The following NEK7 variants were observed in gnomAD, a reference collection of about 807,000 sequenced individuals.
NEK7 encodes serine/threonine-protein kinase Nek7.
A neutral mutation model predicts 44.6 loss-of-function variants in NEK7; 18 were observed. The observed-to-expected ratio is 0.40, with a 90% CI of 0.28 to 0.60. The LOEUF is 0.60. NEK7 is among the 20% of genes least tolerant of loss of function. The pLI is 0.38. For missense variants in NEK7, 256 were observed against 366.5 expected, an observed-to-expected ratio of 0.70 and a Z score of 2.46; for synonymous variants, 130 against 121.1, an observed-to-expected ratio of 1.07 and a Z score of -0.48.
At chr1:198,209,983 A>G (rs1020563035) in intron 1 of NEK7, among the ~76,000 whole-genome samples, 5 of 152,032 alleles carry the variant, frequency 3.3e-5, no homozygotes, top group African/African-American at 1.2e-4. Flanking sequence ...ACTTTAGTAG[A>G]GACGGGGTTT....
intron 2 of NEK7, among the ~76,000 whole-genome samples, chr1:198,252,528 C>CTATATATATATATATATATA (rs1162099133): frequency 9.2e-5 from 3 of 32,688 alleles, no homozygotes; most frequent in Admixed American, 3.5e-4. Flanking sequence ...ATCTCACATA[C>CTATATATATATATATATATA]TATATATATA....
chr1:198,161,544 T>C (rs1294620086), intron 1 of NEK7, among the ~76,000 whole-genome samples: 2 of 152,228 alleles, frequency 1.3e-5, no homozygotes, highest in Admixed American at 6.5e-5. Context: ...CGTTTTATAA[T>C]TATTTTTGTG....
intron 1 of NEK7, among the ~76,000 whole-genome samples, chr1:198,166,835 T>A (rs1664283696): frequency 1.3e-5 from 2 of 152,076 alleles, no homozygotes; most frequent in East Asian, 1.9e-4. Flanking sequence ...AGATATGGAG[T>A]GAGCACATGC....
chr1:198,188,968 T>C (rs1202000587), intron 1 of NEK7, among the ~76,000 whole-genome samples: 1 of 152,172 alleles, frequency 6.6e-6, no homozygotes, highest in African/African-American at 2.4e-5. Context: ...TCTTTTACTA[T>C]CCTAAATCAA....
intron 3 of NEK7, among the ~76,000 whole-genome samples, chr1:198,255,057 A>T (rs1236823841): frequency 8.5e-5 from 13 of 152,144 alleles, no homozygotes; most frequent in Admixed American, 7.2e-4. Flanking sequence ...ACCCTGTGGC[A>T]TGGGTTCCTG....
intron 1 of NEK7, among the ~76,000 whole-genome samples, chr1:198,228,400 T>C (rs962355326): frequency 5.9e-5 from 9 of 152,316 alleles, no homozygotes; most frequent in Admixed American, 5.2e-4. Context: ...TCCAATTATG[T>C]GAAGAAAGTC....
At chr1:198,251,711 C>A (rs1014155012) in intron 2 of NEK7, among the ~76,000 whole-genome samples, 2 of 151,608 alleles carry the variant, frequency 1.3e-5, no homozygotes, top group African/African-American at 4.9e-5. Flanking sequence ...TCTGTGGGAT[C>A]GGTGGTGATA....
chr1:198,229,314 A>T (rs1463840467), intron 1 of NEK7, among the ~76,000 whole-genome samples: 1 of 152,150 alleles, frequency 6.6e-6, no homozygotes, highest in Non-Finnish European at 1.5e-5. Flanking sequence ...TACTTGCCCC[A>T]TGCATCTCTC....
At chr1:198,303,987 C>T (rs537686381) in intron 9 of NEK7, among the ~76,000 whole-genome samples, 2 of 152,240 alleles carry the variant, frequency 1.3e-5, no homozygotes, top group Non-Finnish European at 2.9e-5. Context: ...TTAACATTCT[C>T]ATCACAGTAT....
intron 1 of NEK7, among the ~76,000 whole-genome samples, chr1:198,201,361 G>GT (rs768928403): frequency 4.6e-5 from 7 of 151,810 alleles, no homozygotes; most frequent in Non-Finnish European, 7.4e-5. Context: ...AGTATATAGT[G>GT]GTTTTTTTTA....
At chr1:198,230,651 G>A (rs1452910731) in intron 1 of NEK7, among the ~76,000 whole-genome samples, 2 of 151,972 alleles carry the variant, frequency 1.3e-5, no homozygotes, top group East Asian at 1.9e-4. Flanking sequence ...TCTATTCATT[G>A]TACTGGATGT....
chr1:198,242,628 G>GC (rs949006594), intron 2 of NEK7, among the ~76,000 whole-genome samples: 4 of 150,746 alleles, frequency 2.7e-5, no homozygotes, highest in Admixed American at 2.6e-4. Context: ...CACCCTGCTA[G>GC]TTTTTTTGTA....
intron 1 of NEK7, among the ~76,000 whole-genome samples, chr1:198,191,097 T>C (rs748499821): frequency 1.1e-4 from 16 of 152,076 alleles, no homozygotes; most frequent in Non-Finnish European, 2.4e-4. Context: ...CAAGGGGTCC[T>C]AGGCCTTTAA....
intron 8 of NEK7, among the ~76,000 whole-genome samples, chr1:198,294,041 G>A (rs895816093): frequency 1.3e-5 from 2 of 151,718 alleles, no homozygotes; most frequent in Admixed American, 6.6e-5. Flanking sequence ...GCATTAGGAG[G>A]TGTTTTTTGA....
intron 3 of NEK7, 111 bp from the exon 4 acceptor site, chr1:198,262,464 G>A: frequency 1.5e-6 from 1 of 659,262 alleles, no homozygotes. Context: ...TAATCAGAAA[G>A]AAAATTCCTT....
chr1:198,249,806 G>A (rs1652857842), intron 2 of NEK7, among the ~76,000 whole-genome samples: 1 of 120,598 alleles, frequency 8.3e-6, no homozygotes, highest in Non-Finnish European at 1.6e-5. Context: ...CAGATGAGTG[G>A]GTTGCGAAAA....
At chr1:198,166,666 C>A (rs1664277806) in intron 1 of NEK7, among the ~76,000 whole-genome samples, 1 of 152,114 alleles carries the variant, frequency 6.6e-6, no homozygotes, top group South Asian at 2.1e-4. Context: ...CATTCACACA[C>A]CATGTATCGT....
chr1:198,305,177 AG>A (rs1286220667), intron 9 of NEK7, among the ~76,000 whole-genome samples: 8 of 152,278 alleles, frequency 5.3e-5, no homozygotes, highest in African/African-American at 9.6e-5. Context: ...TAAAATTTAA[AG>A]CAATAAATAC....
At chr1:198,204,742 ACT>A (rs981461657) in intron 1 of NEK7, among the ~76,000 whole-genome samples, 1 of 150,958 alleles carries the variant, frequency 6.6e-6, no homozygotes, top group East Asian at 2.0e-4. Context: ...AAAAAAAGAA[ACT>A]CAGGTATTTC....
Sources: gnomAD v4.1 joint callset for allele counts (sites outside exome capture counted in the v4.1 genomes callset) on GRCh38, gnomAD v4.1.1 for gene constraint, MANE v1.5 for transcripts, NCBI Gene and HGNC (gene_info 2026-07-23, HGNC 2026-07-21) for gene names.